Variants in RELB observed in about 807,000 individuals in gnomAD.
RELB encodes the protein transcription factor RelB.
A neutral mutation model predicts 55.4 loss-of-function variants in RELB; 14 were observed. That is an observed-to-expected ratio of 0.25 (90% CI 0.17 to 0.40). RELB has a LOEUF of 0.40. Among genes scored for constraint, RELB ranks in the 10% least tolerant of loss-of-function variants. RELB has a pLI of 1.00. For synonymous variants in RELB, 409 were observed against 371.3 expected (o/e 1.10, Z -1.17); for missense variants, 669 against 830.7 (o/e 0.81, Z 2.39).
chr19:45,036,105 C>A (rs1377736303), intron 11 of RELB, among the ~76,000 whole-genome samples: 1 of 152,012 alleles, frequency 6.6e-6, no homozygotes, highest in African/African-American at 2.4e-5. Flanking sequence ...GATAGTCTTG[C>A]CCTGTTGCCT....
intron 2 of RELB, among the ~76,000 whole-genome samples, chr19:45,005,473 T>A (rs1220136823): frequency 6.6e-6 from 1 of 152,174 alleles, no homozygotes; most frequent in African/African-American, 2.4e-5. Flanking sequence ...GATATAATCT[T>A]GGGATGGACC....
At position 45,011,793 on chromosome 19, in the gene RELB, T is replaced by TGA. The variant is rs1368382730; in HGVS notation, c.164-142_164-141insAG. ...GTGTGTGTGTGTGTGTGTGTGTGTG[T>TGA]GTGTGAGAGAGAGAGAGAGAGAGAG... On this transcript the variant is annotated intron_variant, in intron 3 of 11. Coordinates refer to ENST00000221452, the MANE Select transcript of RELB (RefSeq NM_006509.4). 4.8e-5 allele frequency: 11 copies of TGA among 228,066 alleles called. No individual in the cohort carries two copies. The African/African-American group carries it at 5.6e-4, about 12-fold the overall frequency. The allele number at this position is 228,066 out of a possible 1,614,324, so 14.1% of individuals were successfully genotyped here. A position where few individuals can be genotyped will look rare whatever the true frequency, so the allele number is the denominator to read the frequency against.
Position 45,009,864 on chromosome 19 carries a change from C to T in RELB, c.163+42C>T, listed in dbSNP as rs377186729. The stretch of plus-strand genomic sequence containing the variant: ...AGGTTTGCGGGGAGGCTGAGGGACC[C>T]AAGTGCCTACAGAAGGGGGTCTTGG... On this transcript the variant is annotated intron_variant, in intron 3 of 11. Coordinates refer to ENST00000221452, the MANE Select transcript of RELB (RefSeq NM_006509.4). The T allele has an allele frequency of 1.1e-4, 178 of 1,576,528 alleles. No individual in the cohort carries two copies. The African/African-American group carries it at 1.9e-3, about 17-fold the overall frequency.
chr19:45,019,255 G>T (rs751471857), intron 4 of RELB, among the ~76,000 whole-genome samples: 12 of 151,890 alleles, frequency 7.9e-5, no homozygotes, highest in Non-Finnish European at 1.8e-4. Context: ...TAGAGATGGG[G>T]TCTGCACATG....
In RELB at chr19:45,001,594, G is replaced by T; in HGVS notation, c.15G>T (p.Gly5=). 1 of 1,496,930 alleles carries T rather than the reference G, an allele frequency of 6.7e-7. No individual in the cohort carries two copies. Among genetic ancestry groups the T allele is most frequent in the Non-Finnish European group, 8.9e-7 (1 of 1,129,864 alleles). 92.7% of individuals were successfully genotyped at this position (1,496,930 alleles called of 1,614,324 possible). The change falls in exon 1 of 12, where the codon GGG becomes GGT. Residue 5 remains glycine, a synonymous_variant. Coordinates refer to ENST00000221452, the MANE Select transcript of RELB (RefSeq NM_006509.4). ...GGCCCGCGTGCATGCTTCGGTCTGGGCCAGCCTCTGGGCCGTCCGTCCCCA... is the reference window on the plus strand; with the variant it reads ...GGCCCGCGTGCATGCTTCGGTCTGGTCCAGCCTCTGGGCCGTCCGTCCCCA... The part of the protein sequence containing the change: MLRS[G]PASGPSVPTG...
chr19:45,026,102 C>T (rs1336648258), intron 7 of RELB, among the ~76,000 whole-genome samples: 2 of 152,086 alleles, frequency 1.3e-5, no homozygotes, highest in Non-Finnish European at 2.9e-5. Flanking sequence ...ATTAGCTGGG[C>T]GCAGTGGCAG....
chr19:45,009,870 C>T (rs573390003), intron 3 of RELB, 48 bp downstream of exon 3: 1 of 1,580,016 alleles, frequency 6.3e-7, no homozygotes, highest in South Asian at 1.1e-5. Flanking sequence ...GACCCAAGTG[C>T]CTACAGAAGG....
intron 8 of RELB, among the ~76,000 whole-genome samples, chr19:45,032,184 C>T (rs1214898376): frequency 6.0e-5 from 9 of 150,280 alleles, no homozygotes; most frequent in Admixed American, 3.3e-4. Flanking sequence ...TGCAGTGAGC[C>T]GAGATCATGC....
At position 45,008,841 on chromosome 19, in the gene RELB, C is replaced by T. The variant is rs1268768056; in HGVS notation, c.155-973C>T. ...GGCTCACTGGCGGCCTCTGGGCTTCCCCTTGTCCTGTCTATGGAATGACGG... is the reference window on the plus strand; with the variant it reads ...GGCTCACTGGCGGCCTCTGGGCTTCTCCTTGTCCTGTCTATGGAATGACGG... On this transcript the variant is annotated intron_variant, in intron 2 of 11. Transcript: ENST00000221452. 1.1e-5 allele frequency: 3 copies of T among 265,592 alleles called. No homozygotes were observed. In the East Asian group the frequency reaches 2.4e-4, roughly 22 times the overall value. 16.5% of individuals were successfully genotyped at this position (265,592 alleles called of 1,614,324 possible).
At chr19:45,029,294 G>C (rs1457998847) in intron 8 of RELB, among the ~76,000 whole-genome samples, 1 of 152,184 alleles carries the variant, frequency 6.6e-6, no homozygotes, top group African/African-American at 2.4e-5. Context: ...GTTAAGGGTG[G>C]AATTGCATAA....
intron 2 of RELB, among the ~76,000 whole-genome samples, chr19:45,004,670 C>T (rs1030858342): frequency 6.6e-6 from 1 of 150,448 alleles, no homozygotes; most frequent in African/African-American, 2.4e-5. Context: ...GAGTTCTAGA[C>T]CAGGCTGACC....
At chr19:45,022,014 C>G in intron 4 of RELB, 39 bp from the exon 5 acceptor site, 2 of 1,569,644 alleles carry the variant, frequency 1.3e-6, no homozygotes, top group Non-Finnish European at 1.7e-6. Flanking sequence ...ACGCAGGCAT[C>G]GGTGATGGGA....
chr19:45,011,715 G>C (rs1372033258), intron 3 of RELB, among the ~76,000 whole-genome samples: 2 of 149,850 alleles, frequency 1.3e-5, no homozygotes, highest in East Asian at 4.0e-4. Flanking sequence ...CCAAGGTGTT[G>C]GGATTACAGG....
intron 4 of RELB, among the ~76,000 whole-genome samples, chr19:45,016,085 A>C (rs540744432): frequency 4.5e-4 from 69 of 152,026 alleles, no homozygotes; most frequent in Non-Finnish European, 9.9e-4. Context: ...CCTGAGTTCA[A>C]GTGATTCTCC....
At chr19:45,017,460 A>C (rs963669056) in intron 4 of RELB, among the ~76,000 whole-genome samples, 2 of 151,302 alleles carry the variant, frequency 1.3e-5, no homozygotes, top group Non-Finnish European at 1.5e-5. Context: ...AAAAAAAAAA[A>C]AAACAATTCT....
intron 4 of RELB, among the ~76,000 whole-genome samples, chr19:45,021,105 C>T (rs551887974): frequency 1.5e-3 from 232 of 152,064 alleles, no homozygotes; most frequent in African/African-American, 5.2e-3. Context: ...AGCCCGGAGG[C>T]GGAGGTTGCA....
chr19:45,020,553 C>CTTTTTT (rs34030158), intron 4 of RELB, among the ~76,000 whole-genome samples: 23 of 86,550 alleles, frequency 2.7e-4, no homozygotes, highest in African/African-American at 4.3e-4. Context: ...TGGCACCCAT[C>CTTTTTT]TTTTTTTTTT....
chr19:45,002,127 G>T (rs1971219752), intron 1 of RELB, among the ~76,000 whole-genome samples: 1 of 148,056 alleles, frequency 6.8e-6, no homozygotes, highest in Non-Finnish European at 1.5e-5. Context: ...TGGCCGTGAG[G>T]GCAGGAAGGG....
chr19:45,011,745 C>A (rs1338291242), intron 3 of RELB, among the ~76,000 whole-genome samples, 191 bp from the exon 4 acceptor site: 23 of 106,992 alleles, frequency 2.1e-4, no homozygotes, highest in Admixed American at 3.5e-4. Flanking sequence ...CCGCACCTGG[C>A]CTCCCTGACT....
Sources: allele counts gnomAD v4.1 joint callset (sites outside exome capture counted in the v4.1 genomes callset), GRCh38; gene constraint gnomAD v4.1.1; transcripts MANE v1.5; gene names NCBI Gene and HGNC (gene_info 2026-07-23, HGNC 2026-07-21).